YPEL1: variants seen among roughly 807,000 people sequenced by gnomAD.
YPEL1 encodes the protein protein yippee-like 1.
In YPEL1, 7 loss-of-function variants were observed where a neutral mutation model predicts 17.3. The ratio of observed to expected loss-of-function variants is 0.40; its 90% CI spans 0.23 to 0.76. The LOEUF (loss-of-function observed/expected upper bound fraction) is 0.76. YPEL1 is among the 30% of genes least tolerant of loss of function. The probability of loss-of-function intolerance (pLI) is 0.35; values close to 1 mark genes in which losing one functional copy is unlikely to be tolerated. For synonymous variants in YPEL1, 59 were observed against 59.6 expected (o/e 0.99, Z 0.05); for missense variants, 91 against 155.5 (o/e 0.59, Z 2.21).
chr22:21,709,389 C>G (rs1048283328), intron 2 of YPEL1, among the ~76,000 whole-genome samples: 4 of 152,224 alleles, frequency 2.6e-5, no homozygotes, highest in Non-Finnish European at 5.9e-5. Context: ...CAGTTTCTAT[C>G]TCAGATGATG....
At chr22:21,714,082 C>A (rs569314630) in intron 1 of YPEL1, among the ~76,000 whole-genome samples, 1 of 152,030 alleles carries the variant, frequency 6.6e-6, no homozygotes, top group East Asian at 1.9e-4. Flanking sequence ...CCGGCAGCAG[C>A]CTGTCCTGTG....
At chr22:21,725,687 T>C (rs903284097) in intron 1 of YPEL1, among the ~76,000 whole-genome samples, 2 of 151,678 alleles carry the variant, frequency 1.3e-5, no homozygotes, top group Admixed American at 6.6e-5. Context: ...CAAAAGTAAA[T>C]GGGGGTTGAA....
chr22:21,703,718 A>C lies in YPEL1; in HGVS notation c.161+121T>G, dbSNP rs1316393182. On this transcript the variant is annotated intron_variant, in intron 3 of 4. Transcript: ENST00000339468. This position sits in a 1 kb window ranked among gnomAD's most constrained non-coding sequence, Gnocchi z 6.1. The stretch of plus-strand genomic sequence containing the variant: ...CGTTTCAGAAACTCCCGGCGGGGGG[A>C]TGGTGGGTTCTTTCAGGACCCCTAA... The C allele has an allele frequency of 2.4e-5, 22 of 932,340 alleles. No individual in the cohort carries two copies. The highest frequency in any genetic ancestry group is 2.9e-5 in the Non-Finnish European group (18 of 630,706). 57.8% of individuals were successfully genotyped at this position (932,340 alleles called of 1,614,324 possible). A position where few individuals can be genotyped will look rare whatever the true frequency, so the allele number is the denominator to read the frequency against.
intron 2 of YPEL1, among the ~76,000 whole-genome samples, chr22:21,708,609 G>T (rs1267915409): frequency 6.6e-6 from 1 of 150,970 alleles, no homozygotes; most frequent in East Asian, 1.9e-4. Context: ...CAAAGTTCTG[G>T]GATTACAGGT....
chr22:21,703,750 A>T lies in YPEL1; in HGVS notation c.161+89T>A. ...GTTCTTTCAGGACCCCTAAAGACCC[A>T]GGTGATTCTACACAGGGCACTGTGT... On this transcript the variant is annotated intron_variant, in intron 3 of 4. Coordinates refer to ENST00000339468, the MANE Select transcript of YPEL1 (RefSeq NM_013313.5). The surrounding 1 kb of genome is among the most constrained non-coding windows in gnomAD (Gnocchi z 6.1). 7.0e-7 allele frequency: 1 copy of T among 1,419,614 alleles called. No individual in the cohort carries two copies. The highest frequency in any genetic ancestry group is 9.6e-7 in the Non-Finnish European group (1 of 1,037,958). 87.9% of individuals were successfully genotyped at this position (1,419,614 alleles called of 1,614,324 possible). A position where few individuals can be genotyped will look rare whatever the true frequency, so the allele number is the denominator to read the frequency against.
intron 1 of YPEL1, among the ~76,000 whole-genome samples, chr22:21,712,051 G>C (rs2068171428): frequency 6.6e-6 from 1 of 152,052 alleles, no homozygotes; most frequent in South Asian, 2.1e-4. Context: ...CCCTGTGCCT[G>C]TGGTCCCAGC....
chr22:21,703,540 C>G lies in YPEL1; in HGVS notation c.162-62G>C, dbSNP rs1307003809. On this transcript the variant is annotated intron_variant, in intron 3 of 4. Transcript: ENST00000339468. The surrounding 1 kb of genome is among the most constrained non-coding windows in gnomAD (Gnocchi z 6.1). ...GCCCGCCCCTGACCAGGCCCTGCCC[C>G]CTCAGCGGGCCCCACCCCATCCTCC... 9.7e-6 allele frequency: 14 copies of G among 1,446,244 alleles called. No homozygotes were observed. The highest frequency in any genetic ancestry group is 1.2e-5 in the Non-Finnish European group (13 of 1,042,870). The allele number at this position is 1,446,244 out of a possible 1,614,324, so 89.6% of individuals were successfully genotyped here. A position where few individuals can be genotyped will look rare whatever the true frequency, so the allele number is the denominator to read the frequency against.
At chr22:21,722,828 T>C (rs2068296831) in intron 1 of YPEL1, 1 of 152,030 alleles carries the variant, frequency 6.6e-6, no homozygotes, top group Non-Finnish European at 1.5e-5. Flanking sequence ...GCACAGGAAG[T>C]GAGGACCCTG....
chr22:21,725,320 T>C (rs1007547266), intron 1 of YPEL1, among the ~76,000 whole-genome samples: 2 of 145,422 alleles, frequency 1.4e-5, no homozygotes, highest in Non-Finnish European at 3.0e-5. Context: ...CCCGGGTTCA[T>C]GCCATTCTCC....
intron 1 of YPEL1, among the ~76,000 whole-genome samples, chr22:21,716,283 C>T (rs919683431): frequency 6.6e-6 from 1 of 152,204 alleles, no homozygotes; most frequent in Non-Finnish European, 1.5e-5. Flanking sequence ...TATGATAAGC[C>T]AAATACTTGG....
At chr22:21,729,745 C>G (rs1337774965) in intron 1 of YPEL1, among the ~76,000 whole-genome samples, 1 of 152,224 alleles carries the variant, frequency 6.6e-6, no homozygotes, top group African/African-American at 2.4e-5. Context: ...TCACCTTTGG[C>G]TGATGCACAT....
At chr22:21,715,580 A>AT (rs1379527001) in intron 1 of YPEL1, among the ~76,000 whole-genome samples, 1 of 94,654 alleles carries the variant, frequency 1.1e-5, no homozygotes, top group African/African-American at 2.9e-5. Context: ...TAAAAGGTAG[A>AT]TTTTTTATTT....
At position 21,724,491 on chromosome 22, in the gene YPEL1, C is replaced by G. The variant is rs751310896; in HGVS notation, c.-165+11124G>C. Among the ~76,000 whole-genome samples the G allele has an allele frequency of 2.0e-5, 3 of 151,934 alleles. No individual in the cohort carries two copies. The South Asian group carries it at 6.2e-4, about 31-fold the overall frequency. ...GATGGAGGTTGCTGTGAGCCATGAT[C>G]GCACCACTGCACTCCAGCATGGGTA... On this transcript the variant is annotated intron_variant, in intron 1 of 4. Transcript: ENST00000339468.
intron 1 of YPEL1, among the ~76,000 whole-genome samples, chr22:21,712,479 C>G (rs2068178256): frequency 7.3e-6 from 1 of 137,770 alleles, no homozygotes; most frequent in African/African-American, 2.5e-5. Context: ...GTAATCCCAG[C>G]ATTATGGGAG....
intron 1 of YPEL1, among the ~76,000 whole-genome samples, chr22:21,728,086 T>G (rs1376767955): frequency 6.6e-6 from 1 of 152,152 alleles, no homozygotes; most frequent in African/African-American, 2.4e-5. Flanking sequence ...GGCCCCGCCA[T>G]GTTCAGCCAG....
In YPEL1 at chr22:21,698,400, T is replaced by A. The variant is rs990001962; in HGVS notation, c.*2729A>T. ...TTGCCCAAAACAGAAAAGCTCTAAA[T>A]AGAACTTTAGTATATACAAAAACCA... On this transcript the variant is annotated 3_prime_UTR_variant, in exon 5 of 5. Coordinates refer to ENST00000339468, the MANE Select transcript of YPEL1 (RefSeq NM_013313.5). 1 of 152,210 alleles carries A rather than the reference T, an allele frequency of 6.6e-6. No individual in the cohort carries two copies. The highest frequency in any genetic ancestry group is 1.5e-5 in the Non-Finnish European group (1 of 68,020). The allele number at this position is 152,210 out of a possible 1,614,324, so 9.4% of individuals were successfully genotyped here.
At chr22:21,702,514 C>A (rs1013746700) in intron 4 of YPEL1, among the ~76,000 whole-genome samples, 1 of 152,080 alleles carries the variant, frequency 6.6e-6, no homozygotes, top group African/African-American at 2.4e-5. Context: ...TCAACAAAGG[C>A]AGGCAGGCCG....
chr22:21,717,371 C>T lies in YPEL1; in HGVS notation c.-164-6463G>A, dbSNP rs1383904538. On this transcript the variant is annotated intron_variant, in intron 1 of 4. Transcript: ENST00000339468. ...AGCCTTGGGTAACAGAGCAATAGTCCGTCTCAAAAAAAAAAAAAAAACAAA... is the reference window on the plus strand; with the variant it reads ...AGCCTTGGGTAACAGAGCAATAGTCTGTCTCAAAAAAAAAAAAAAAACAAA... Among the ~76,000 whole-genome samples, 17 of 137,590 alleles carry T rather than the reference C, an allele frequency of 1.2e-4. No individual in the cohort carries two copies. The South Asian group carries it at 3.1e-3, about 25-fold the overall frequency. The allele number at this position is 137,590 out of a possible 152,430, so 90.3% of individuals were successfully genotyped here.
intron 1 of YPEL1, among the ~76,000 whole-genome samples, chr22:21,730,659 T>C (rs1234841080): frequency 6.6e-6 from 1 of 152,236 alleles, no homozygotes; most frequent in Non-Finnish European, 1.5e-5. Context: ...ACACATCCAC[T>C]TCCTCCCTAC....
Sources: allele counts gnomAD v4.1 joint callset (sites outside exome capture counted in the v4.1 genomes callset), GRCh38; gene constraint gnomAD v4.1.1; non-coding constraint Gnocchi (gnomAD v3.1); transcripts MANE v1.5; gene names NCBI Gene and HGNC (gene_info 2026-07-23, HGNC 2026-07-21).